NRXN1: variants seen among roughly 807,000 people sequenced by gnomAD.
NRXN1 encodes neurexin 1, also known as neurexin-1.
A neutral mutation model predicts 150.9 loss-of-function variants in NRXN1; 39 were observed. The ratio of observed to expected loss-of-function variants is 0.26; its 90% CI spans 0.20 to 0.34. NRXN1 has a LOEUF of 0.34. Among genes scored for constraint, NRXN1 ranks in the 10% least tolerant of loss-of-function variants. The pLI, the probability that NRXN1 is intolerant of heterozygous loss-of-function variation, is 1.00. For synonymous variants in NRXN1, 924 were observed against 757.0 expected (o/e 1.22, Z -3.62); for missense variants, 1,815 against 1,949.9 (o/e 0.93, Z 1.30).
intron 18 of NRXN1, among the ~76,000 whole-genome samples, chr2:50,103,721 A>G (rs1356593991): frequency 6.6e-6 from 1 of 152,046 alleles, no homozygotes; most frequent in African/African-American, 2.4e-5. Context: ...AGCAGTAACC[A>G]CTGGAGGCTC....
chr2:50,591,701 C>T (rs1218594880), intron 8 of NRXN1, among the ~76,000 whole-genome samples: 1 of 152,186 alleles, frequency 6.6e-6, no homozygotes, highest in Non-Finnish European at 1.5e-5. Flanking sequence ...GGCCTCTGTG[C>T]TGTGCTGGGG....
intron 18 of NRXN1, among the ~76,000 whole-genome samples, chr2:50,157,987 A>G (rs1297994093): frequency 1.3e-5 from 2 of 150,992 alleles, no homozygotes; most frequent in African/African-American, 2.4e-5. Context: ...AGGGGAGAGA[A>G]ACAAGGAGGG....
chr2:50,285,501 A>C (rs2072026737), intron 17 of NRXN1, among the ~76,000 whole-genome samples: 1 of 152,174 alleles, frequency 6.6e-6, no homozygotes, highest in South Asian at 2.1e-4. Context: ...ATGTGGGAGG[A>C]GATTGGAATA....
rs756402228 is a variant in NRXN1 at position 51,027,944 on chromosome 2, G to A, written c.330C>T (p.Asn110=). 6.2e-6 allele frequency: 10 copies of A among 1,603,718 alleles called. No homozygotes were observed. Among genetic ancestry groups the A allele is most frequent in the Non-Finnish European group, 7.6e-6 (9 of 1,179,600 alleles). ...TGCGCACGCTGTGCCAGGCGCCGTC[G>A]TTAACCGGCGTGTCGGCCAGGAGCG... is the stretch of plus-strand genomic sequence containing the variant. ...PATLLADTPV[N]DGAWHSVRIR... is the part of the protein sequence containing the mutation. The change falls in exon 2 of 23, where the codon AAC becomes AAT. Residue 110 remains asparagine (N), a synonymous_variant. Coordinates refer to ENST00000401669, the MANE Select transcript of NRXN1 (RefSeq NM_001330078.2).
chr2:50,515,688 T>A (rs189399539), intron 12 of NRXN1, among the ~76,000 whole-genome samples: 1 of 151,804 alleles, frequency 6.6e-6, no homozygotes, highest in Non-Finnish European at 1.5e-5. Flanking sequence ...TTTCTACGTA[T>A]ATCAACTTTT....
chr2:50,144,264 A>G (rs1707691879), intron 18 of NRXN1, among the ~76,000 whole-genome samples: 1 of 151,628 alleles, frequency 6.6e-6, no homozygotes, highest in African/African-American at 2.4e-5. Context: ...CTTCCTTCAT[A>G]TTTTTCATTG....
intron 18 of NRXN1, among the ~76,000 whole-genome samples, chr2:50,217,283 CTT>C (rs2063467022): frequency 6.6e-6 from 1 of 152,028 alleles, no homozygotes; most frequent in Non-Finnish European, 1.5e-5. Context: ...AAGCAGTAGA[CTT>C]ATTCTCAATC....
chr2:50,693,007 G>A (rs980118731), intron 5 of NRXN1, among the ~76,000 whole-genome samples: 16 of 152,166 alleles, frequency 1.1e-4, no homozygotes, highest in African/African-American at 3.9e-4. Context: ...CTGTGTCAAT[G>A]TTATTGATGG....
intron 15 of NRXN1, among the ~76,000 whole-genome samples, chr2:50,488,633 A>C (rs2091042452): frequency 6.6e-6 from 1 of 152,126 alleles, no homozygotes; most frequent in Non-Finnish European, 1.5e-5. Flanking sequence ...CTGTAATGCT[A>C]CATCCTGTCT....
At chr2:50,281,060 TTTGGGAGGCCGAGGCGGGCAGA>T (rs1239846023) in intron 17 of NRXN1, among the ~76,000 whole-genome samples, 2 of 151,502 alleles carry the variant, frequency 1.3e-5, no homozygotes, top group African/African-American at 4.9e-5. Context: ...ATCCCAGCAC[TTTGGGAGGCCGAGGCGGGCAGA>T]TCACGAGGTC....
At chr2:50,013,454 G>T (rs537052455) in intron 21 of NRXN1, among the ~76,000 whole-genome samples, 3 of 151,950 alleles carry the variant, frequency 2.0e-5, no homozygotes, top group Admixed American at 1.3e-4. Flanking sequence ...CAGAGTAAAA[G>T]AATTGTGTTT....
chr2:50,066,031 C>T (rs1226118331), intron 19 of NRXN1, among the ~76,000 whole-genome samples: 2 of 152,138 alleles, frequency 1.3e-5, no homozygotes, highest in Admixed American at 1.3e-4. Flanking sequence ...TGCCACCTGT[C>T]AACAACTCAA....
At chr2:50,230,856 T>C (rs2064874740) in intron 18 of NRXN1, among the ~76,000 whole-genome samples, 1 of 152,118 alleles carries the variant, frequency 6.6e-6, no homozygotes, top group Non-Finnish European at 1.5e-5. Flanking sequence ...TATTTAGCAC[T>C]TAAGCCAATA....
chr2:50,863,145 G>T (rs1676382484), intron 5 of NRXN1, among the ~76,000 whole-genome samples: 1 of 151,968 alleles, frequency 6.6e-6, no homozygotes, highest in Admixed American at 6.6e-5. Context: ...AAGGGGTTTA[G>T]AAAGTTACAC....
intron 21 of NRXN1, among the ~76,000 whole-genome samples, chr2:50,043,262 T>G (rs1308971410): frequency 6.6e-6 from 1 of 152,106 alleles, no homozygotes; most frequent in Admixed American, 6.5e-5. Flanking sequence ...TGTCTGAAAC[T>G]ACAGTGAAAA....
rs188321041 is a variant in NRXN1, at chr2:50,919,491, T to A, written c.832+2378A>T. ...GAAGATGTTCTTGAATTTATTTTTT[T>A]ATAGTCTTTTTTTCATAAAGAAAGA... On this transcript the variant is annotated intron_variant, in intron 5 of 22. Transcript: ENST00000401669. 7.3e-5 allele frequency: 11 copies of A among 149,946 alleles called. No homozygotes were observed. The East Asian group carries it at 2.1e-3, about 29-fold the overall frequency. The allele number at this position is 149,946 out of a possible 1,614,324, so 9.3% of individuals were successfully genotyped here. A position where few individuals can be genotyped will look rare whatever the true frequency, so the allele number is the denominator to read the frequency against.
At chr2:50,664,327 C>T (rs1470206487) in intron 5 of NRXN1, among the ~76,000 whole-genome samples, 3 of 149,466 alleles carry the variant, frequency 2.0e-5, no homozygotes. Flanking sequence ...TAATTTTCTG[C>T]TATAGCAGAA....
chr2:50,469,172 T>C (rs976840471), intron 16 of NRXN1, among the ~76,000 whole-genome samples: 1 of 151,564 alleles, frequency 6.6e-6, no homozygotes, highest in African/African-American at 2.4e-5. Flanking sequence ...TTAGAAACCC[T>C]GGGGGTTGTA....
At chr2:50,102,180 G>A (rs959801995) in intron 18 of NRXN1, among the ~76,000 whole-genome samples, 29 of 151,996 alleles carry the variant, frequency 1.9e-4, no homozygotes, top group African/African-American at 6.7e-4. Flanking sequence ...AATCTCTAAG[G>A]CAGAAATTCC....
Sources: gnomAD v4.1 joint callset for allele counts (sites outside exome capture counted in the v4.1 genomes callset) on GRCh38, gnomAD v4.1.1 for gene constraint, MANE v1.5 for transcripts, NCBI Gene and HGNC (gene_info 2026-07-23, HGNC 2026-07-21) for gene names.